TTC38: variants seen among roughly 807,000 people sequenced by gnomAD.
TTC38 encodes the protein tetratricopeptide repeat protein 38.
In TTC38, 64 loss-of-function variants were observed where a neutral mutation model predicts 64.2. That is an observed-to-expected ratio of 1.00 (90% confidence interval 0.81 to 1.23). The LOEUF (loss-of-function observed/expected upper bound fraction) is 1.23. TTC38 is among the 50% of genes most tolerant of loss of function. The pLI is 0.00. For missense variants in TTC38, 573 were observed against 615.5 expected (o/e 0.93, Z 0.73); for synonymous variants, 254 against 249.3 (o/e 1.02, Z -0.18).
In TTC38 at chr22:46,271,003, T is replaced by C. The variant is rs1213033830; in HGVS notation, c.112-1332T>C. Reference sequence around the variant, plus strand: ...CTCCAGCCTGGGTGACAGGGCAAGATTCTGTCTCAATTAAAAAAAAAATGA... The same window carrying C: ...CTCCAGCCTGGGTGACAGGGCAAGACTCTGTCTCAATTAAAAAAAAAATGA... On this transcript the variant is annotated intron_variant, in intron 2 of 13. Coordinates refer to ENST00000381031, the MANE Select transcript of TTC38 (RefSeq NM_017931.4). This position sits in a 1 kb window ranked among gnomAD's most constrained non-coding sequence, Gnocchi z 5.5. Among the ~76,000 whole-genome samples the C allele has an allele frequency of 6.7e-6, 1 of 148,710 alleles. No individual in the cohort carries two copies. Among genetic ancestry groups the C allele is most frequent in the Non-Finnish European group, 1.5e-5 (1 of 67,936 alleles).
intron 5 of TTC38, among the ~76,000 whole-genome samples, chr22:46,277,318 G>A (rs189717883): frequency 4.2e-4 from 64 of 152,252 alleles, no homozygotes; most frequent in African/African-American, 1.5e-3. Flanking sequence ...GAGATTGGAA[G>A]TGTGGGCGGG....
chr22:46,282,457 G>T lies in TTC38; in HGVS notation c.735+739G>T, dbSNP rs2077542176. Among the ~76,000 whole-genome samples the T allele has an allele frequency of 1.3e-5, 2 of 152,196 alleles. No homozygotes were observed. The highest frequency in any genetic ancestry group is 2.1e-4 in the South Asian group (1 of 4,838). On this transcript the variant is annotated intron_variant, in intron 7 of 13. Transcript: ENST00000381031. The surrounding 1 kb of genome is among the most constrained non-coding windows in gnomAD (Gnocchi z 4.4). ...GGGCTGCATCAGGTGAGCCTATTGGGCTCAAGGGAGATGGGGCCTCCCCTG... is the reference window on the plus strand; with the variant it reads ...GGGCTGCATCAGGTGAGCCTATTGGTCTCAAGGGAGATGGGGCCTCCCCTG...
rs1897030936 is a variant in TTC38 at position 46,292,529 on chromosome 22, C to G, written c.1317-262C>G. On this transcript the variant is annotated intron_variant, in intron 13 of 13. Transcript: ENST00000381031. The surrounding 1 kb of genome is among the most constrained non-coding windows in gnomAD (Gnocchi z 6.5). ...TTACCTCAAACCGTACCTGGGTCTT[C>G]TCTCTTCAAACCTGGGTTTTCCCCA... Among the ~76,000 whole-genome samples the G allele has an allele frequency of 1.3e-5, 2 of 152,240 alleles. No individual in the cohort carries two copies. Among genetic ancestry groups the G allele is most frequent in the Admixed American group, 1.3e-4 (2 of 15,280 alleles).
rs1936928424 is a variant in TTC38 at position 46,273,003 on chromosome 22, G to A, written c.193+587G>A. On this transcript the variant is annotated intron_variant, in intron 3 of 13. Coordinates refer to ENST00000381031, the MANE Select transcript of TTC38 (RefSeq NM_017931.4). This position sits in a 1 kb window ranked among gnomAD's most constrained non-coding sequence, Gnocchi z 5.1. ...GGCCTGGGAGAAGGTCTGATGAGGG[G>A]ACAGGGCTCTTGTCAGTGCGGCAGG... Among the ~76,000 whole-genome samples the A allele has an allele frequency of 6.6e-6, 1 of 152,218 alleles. No individual in the cohort carries two copies. Among genetic ancestry groups the A allele is most frequent in the Non-Finnish European group, 1.5e-5 (1 of 68,040 alleles).
chr22:46,289,460 C>G lies in TTC38; in HGVS notation c.1141C>G (p.Gln381Glu). The G allele has an allele frequency of 6.2e-7, 1 of 1,609,728 alleles. No individual in the cohort carries two copies. Among genetic ancestry groups the G allele is most frequent in the Non-Finnish European group, 8.5e-7 (1 of 1,179,800 alleles). Residue 381 changes from glutamine (Q) to glutamate (E), a missense_variant, in exon 12 of 14, where the codon CAG becomes GAG. This residue lies in a region of TTC38 where 371 missense variants were observed against 381.8 expected (regional missense o/e 0.97). Coordinates refer to ENST00000381031, the MANE Select transcript of TTC38 (RefSeq NM_017931.4). ...CCGAGACGTGGGGCTGCCCCTGTGC[C>G]AGGCCCTGGTGGAGGCTGAGGACGG... ...LARDVGLPLC[Q>E]ALVEAEDGNP... is the part of the protein sequence containing the mutation.
Position 46,273,958 on chromosome 22 carries a change from T to G in TTC38, c.254T>G (p.Leu85Arg). Residue 85 changes from leucine to arginine, a missense_variant, in exon 4 of 14, where the codon CTG becomes CGG. Physicochemically the swap from Leu to Arg is moderately radical, Grantham distance 102 (BLOSUM62 -2). Transcript: ENST00000381031. The surrounding 1 kb of genome is among the most constrained non-coding windows in gnomAD (Gnocchi z 5.1). Reference protein sequence around the residue: ...VLIGTGSSVKLDKELDLAVKT... With the variant: ...VLIGTGSSVKRDKELDLAVKT... Reference sequence around the variant, plus strand: ...ATTGGCACTGGAAGCTCCGTGAAGCTGGACAAAGAGCTGGACCTGGCTGTG... The same window carrying G: ...ATTGGCACTGGAAGCTCCGTGAAGCGGGACAAAGAGCTGGACCTGGCTGTG... The G allele has an allele frequency of 6.2e-7, 1 of 1,614,220 alleles. No homozygotes were observed.
rs1030410008 is a variant in TTC38, at chr22:46,291,756, A to C, written c.1317-1035A>C. On this transcript the variant is annotated intron_variant, in intron 13 of 13. Coordinates refer to ENST00000381031, the MANE Select transcript of TTC38 (RefSeq NM_017931.4). The surrounding 1 kb of genome is among the most constrained non-coding windows in gnomAD (Gnocchi z 4.6). ...GATCACCTGAGGTCAGGAGTTCAAG[A>C]CCAGCCTGGCTAATATGGTGAAACT... Among the ~76,000 whole-genome samples the C allele has an allele frequency of 1.2e-4, 19 of 152,130 alleles. No homozygotes were observed. The highest frequency in any genetic ancestry group is 2.1e-4 in the Non-Finnish European group (14 of 68,030).
rs1420823583 is a variant in TTC38 at position 46,282,562 on chromosome 22, G to C, written c.735+844G>C. 6.6e-6 allele frequency among the ~76,000 whole-genome samples: 1 copy of C among 152,214 alleles called. No individual in the cohort carries two copies. Among genetic ancestry groups the C allele is most frequent in the African/African-American group, 2.4e-5 (1 of 41,450 alleles). ...TGGGGCAGCAAGAAATCAGGGAAGG[G>C]TGTGCACTTGGCTCCCAAGCAGGGG... On this transcript the variant is annotated intron_variant, in intron 7 of 13. Coordinates refer to ENST00000381031, the MANE Select transcript of TTC38 (RefSeq NM_017931.4). This position sits in a 1 kb window ranked among gnomAD's most constrained non-coding sequence, Gnocchi z 4.4.
Position 46,288,606 on chromosome 22 carries a change from C to A in TTC38, c.1082+18C>A. On this transcript the variant is annotated intron_variant, in intron 11 of 13. Transcript: ENST00000381031. ...GCCAGCGAGTATGCAGAGGGGCCTT[C>A]TCGGGGTGGGGGTCCTCACCCTGCC... 6.2e-7 allele frequency: 1 copy of A among 1,611,434 alleles called. No individual in the cohort carries two copies. Among genetic ancestry groups the A allele is most frequent in the Non-Finnish European group, 8.5e-7 (1 of 1,178,504 alleles).
chr22:46,288,513 TC>T lies in TTC38; in HGVS notation c.1009del (p.Leu337Ter), dbSNP rs749042496. 3.7e-6 allele frequency: 6 copies of T among 1,613,828 alleles called. No homozygotes were observed. The African/African-American group carries it at 8.0e-5, about 22-fold the overall frequency. On this transcript the variant is annotated frameshift_variant, in exon 11 of 14. Transcript: ENST00000381031. LOFTEE classifies it high-confidence loss of function. ...ATCCTGCTGTTCAATGACGCACACTTCCTGATGGCATCCCTGGGTGCACACG... is the reference window on the plus strand; with the variant it reads ...ATCCTGCTGTTCAATGACGCACACTTCTGATGGCATCCCTGGGTGCACACG... ...DHILLFNDAHFLMASLGAHDP... is the reference protein window; with the variant it reads ...DHILLFNDAHXLMASLGAHDP...
chr22:46,275,471 T>C lies in TTC38; in HGVS notation c.539+50T>C. 1 of 1,560,024 alleles carries C rather than the reference T, an allele frequency of 6.4e-7. No individual in the cohort carries two copies. Among genetic ancestry groups the C allele is most frequent in the South Asian group, 1.2e-5 (1 of 84,612 alleles). ...TATTTCTGTTTCTTAATCTCTCTTT[T>C]CTGCCCTAAAAATATGGTGACTCTC... On this transcript the variant is annotated intron_variant, in intron 5 of 13. Transcript: ENST00000381031. This position sits in a 1 kb window ranked among gnomAD's most constrained non-coding sequence, Gnocchi z 4.5.
intron 8 of TTC38, 107 bp from the exon 9 acceptor site, chr22:46,285,134 C>A: frequency 1.0e-6 from 1 of 966,478 alleles, no homozygotes; most frequent in Non-Finnish European, 1.7e-6. Flanking sequence ...AGGTGGAGGC[C>A]GGAGACCATG....
Position 46,281,338 on chromosome 22 carries a change from C to G in TTC38, c.616-261C>G, listed in dbSNP as rs533506824. Among the ~76,000 whole-genome samples, 1 of 152,352 alleles carries G rather than the reference C, an allele frequency of 6.6e-6. No homozygotes were observed. The highest frequency in any genetic ancestry group is 2.1e-4 in the South Asian group (1 of 4,832). ...GGCTTTAGAAAGATCCTGCTGCTGT[C>G]CAGCTGGGTGAAGTCGCATAGCCTC... On this transcript the variant is annotated intron_variant, in intron 6 of 13. Coordinates refer to ENST00000381031, the MANE Select transcript of TTC38 (RefSeq NM_017931.4). This position sits in a 1 kb window ranked among gnomAD's most constrained non-coding sequence, Gnocchi z 5.2.
In TTC38 at chr22:46,273,976, T is replaced by A. The variant is rs1028576508; in HGVS notation, c.272T>A (p.Leu91Gln). 1.2e-6 allele frequency: 2 copies of A among 1,614,128 alleles called. No individual in the cohort carries two copies. Among genetic ancestry groups the A allele is most frequent in the African/African-American group, 2.7e-5 (2 of 74,952 alleles). Residue 91 changes from leucine (L) to glutamine (Q), a missense_variant, in exon 4 of 14, where the codon CTG (leucine) becomes CAG (glutamine). Leu to Gln is a moderately radical substitution (Grantham distance 113). Coordinates refer to ENST00000381031, the MANE Select transcript of TTC38 (RefSeq NM_017931.4). This position sits in a 1 kb window ranked among gnomAD's most constrained non-coding sequence, Gnocchi z 5.1. The part of the protein sequence containing the change: ...SSVKLDKELD[L>Q]AVKTMVEISR... The stretch of plus-strand genomic sequence containing the variant: ...GTGAAGCTGGACAAAGAGCTGGACC[T>A]GGCTGTGAAGACAATGGTGGAGATT...
chr22:46,275,814 G>A lies in TTC38; in HGVS notation c.539+393G>A, dbSNP rs1936996151. On this transcript the variant is annotated intron_variant, in intron 5 of 13. Transcript: ENST00000381031. The surrounding 1 kb of genome is among the most constrained non-coding windows in gnomAD (Gnocchi z 4.5). ...AAGCAACTGCCCTCTGGACATACCT[G>A]TCACTAAGAGGGAAAAGCAAGCTTT... Among the ~76,000 whole-genome samples the A allele has an allele frequency of 6.6e-6, 1 of 152,148 alleles. No individual in the cohort carries two copies. The highest frequency in any genetic ancestry group is 2.4e-5 in the African/African-American group (1 of 41,434).
At chr22:46,285,385 G>A in intron 9 of TTC38, 106 bp downstream of exon 9, 1 of 1,108,076 alleles carries the variant, frequency 9.0e-7, no homozygotes, top group Non-Finnish European at 1.4e-6. Flanking sequence ...CAGAAAAACA[G>A]CTGGAGCAAG....
chr22:46,285,370 C>A, intron 9 of TTC38, 91 bp downstream of exon 9: 1 of 1,266,734 alleles, frequency 7.9e-7, no homozygotes, highest in Non-Finnish European at 1.2e-6. Context: ...CAGGATTGTC[C>A]CAGCCAGAAA....
Position 46,278,499 on chromosome 22 carries a change from G to A in TTC38, c.540-87G>A, listed in dbSNP as rs907583957. On this transcript the variant is annotated intron_variant, in intron 5 of 13. Transcript: ENST00000381031. ...GTCACATTCCCAGTGCTGGCAGTTA[G>A]GACCTCAGTGTATCTTTGCGGGGAC... The A allele has an allele frequency of 2.7e-5, 30 of 1,124,494 alleles. No homozygotes were observed. The South Asian group carries it at 3.7e-4, about 14-fold the overall frequency. 69.7% of individuals were successfully genotyped at this position (1,124,494 alleles called of 1,614,324 possible). A position where few individuals can be genotyped will look rare whatever the true frequency, so the allele number is the denominator to read the frequency against.
intron 1 of TTC38, 83 bp downstream of exon 1, chr22:46,268,155 C>T: frequency 3.5e-6 from 5 of 1,448,440 alleles, no homozygotes; most frequent in Non-Finnish European, 4.6e-6. Context: ...TAACGGGAGA[C>T]ATGGCCCGGG....
Sources: allele counts gnomAD v4.1 joint callset (sites outside exome capture counted in the v4.1 genomes callset), GRCh38; gene constraint gnomAD v4.1.1; regional missense constraint gnomAD v4.1.1; non-coding constraint Gnocchi (gnomAD v3.1); transcripts MANE v1.5; gene names NCBI Gene and HGNC (gene_info 2026-07-23, HGNC 2026-07-21).